Variants in DGLUCY observed in about 807,000 individuals in gnomAD.
The protein encoded by DGLUCY is D-glutamate cyclase.
DGLUCY carries 58 observed loss-of-function variants against 58.5 expected under a neutral mutation model. The observed-to-expected ratio is 0.99, with a 90% CI of 0.80 to 1.23. The LOEUF (loss-of-function observed/expected upper bound fraction) is 1.23. DGLUCY is among the 50% of genes most tolerant of loss of function. The pLI is 0.00. For synonymous variants in DGLUCY, 325 were observed against 314.1 expected (o/e 1.03, Z -0.37); for missense variants, 779 against 784.7 (o/e 0.99, Z 0.09).
At chr14:91,077,397 GAGAAAGAAA>G (rs1226827924) in intron 1 of DGLUCY, among the ~76,000 whole-genome samples, 7 of 140,096 alleles carry the variant, frequency 5.0e-5, no homozygotes, top group Middle Eastern at 3.7e-3. Flanking sequence ...GAAGGAAGGA[GAGAAAGAAA>G]AGAAAGAAAG....
chr14:91,160,183 G>T (rs1169095120), intron 2 of DGLUCY, 83 bp from the exon 3 acceptor site: 2 of 841,140 alleles, frequency 2.4e-6, no homozygotes, highest in East Asian at 4.9e-5. Flanking sequence ...ATGTGATGTG[G>T]TATGTGAAGC....
intron 8 of DGLUCY, among the ~76,000 whole-genome samples, chr14:91,184,981 C>G (rs1471136704): frequency 6.7e-6 from 1 of 149,006 alleles, no homozygotes; most frequent in Admixed American, 6.7e-5. Flanking sequence ...TTTTTTTTTT[C>G]TTTTGAGACA....
At chr14:91,119,868 C>T (rs762537102) in intron 1 of DGLUCY, among the ~76,000 whole-genome samples, 1 of 152,134 alleles carries the variant, frequency 6.6e-6, no homozygotes, top group Non-Finnish European at 1.5e-5. Flanking sequence ...CATCTTTCTC[C>T]CGTGCTGGAT....
intron 11 of DGLUCY, among the ~76,000 whole-genome samples, chr14:91,201,334 C>CTGTT (rs996636880): frequency 4.7e-5 from 7 of 150,406 alleles, no homozygotes; most frequent in African/African-American, 1.7e-4. Flanking sequence ...GAGTCTCACT[C>CTGTT]TGTTACCTGT....
At chr14:91,143,949 T>G (rs2046876884) in intron 1 of DGLUCY, among the ~76,000 whole-genome samples, 2 of 152,186 alleles carry the variant, frequency 1.3e-5, no homozygotes, top group Admixed American at 1.3e-4. Context: ...GGCCTTGTCC[T>G]TTCCATCCAG....
chr14:91,163,616 C>T (rs1005335274), intron 3 of DGLUCY, among the ~76,000 whole-genome samples: 2 of 152,148 alleles, frequency 1.3e-5, no homozygotes, highest in Admixed American at 6.5e-5. Context: ...GGACGGCGCT[C>T]CCCTCCTAGG....
At chr14:91,190,725 G>T (rs2049830592) in intron 9 of DGLUCY, among the ~76,000 whole-genome samples, 1 of 152,098 alleles carries the variant, frequency 6.6e-6, no homozygotes, top group African/African-American at 2.4e-5. Flanking sequence ...AGAGAAGTGG[G>T]ACGAGGGACA....
intron 1 of DGLUCY, among the ~76,000 whole-genome samples, chr14:91,102,786 T>TGTGTGTGTGTGTGTGTGTGTGTGTGTG (rs59480792): frequency 6.7e-6 from 1 of 149,918 alleles, no homozygotes; most frequent in African/African-American, 2.5e-5. Flanking sequence ...TGTGTGTGTG[T>TGTGTGTGTGTGTGTGTGTGTGTGTGTG]TTGAGACTGA....
upstream of DGLUCY, among the ~76,000 whole-genome samples, chr14:91,109,741 G>C (rs913079706): frequency 6.6e-6 from 1 of 152,154 alleles, no homozygotes; most frequent in African/African-American, 2.4e-5. Flanking sequence ...ACGCTCATGA[G>C]CTCATGTAAC....
chr14:91,136,015 G>T (rs2046317389), intron 1 of DGLUCY, among the ~76,000 whole-genome samples: 1 of 147,540 alleles, frequency 6.8e-6, no homozygotes, highest in Non-Finnish European at 1.5e-5. Context: ...GCTCACTGCA[G>T]GCTCCGCCTC....
intron 1 of DGLUCY, among the ~76,000 whole-genome samples, chr14:91,156,347 C>T (rs1197210799): frequency 6.6e-6 from 1 of 152,094 alleles, no homozygotes; most frequent in Non-Finnish European, 1.5e-5. Flanking sequence ...CTGCTGGGGT[C>T]CAGCGATCCT....
intron 1 of DGLUCY, among the ~76,000 whole-genome samples, chr14:91,099,583 T>C (rs2044451528): frequency 6.6e-6 from 1 of 151,888 alleles, no homozygotes; most frequent in Non-Finnish European, 1.5e-5. Flanking sequence ...TCCCTTTTTT[T>C]CTTAGAGATT....
intron 12 of DGLUCY, among the ~76,000 whole-genome samples, chr14:91,214,693 T>C (rs1304805612): frequency 6.6e-6 from 1 of 152,132 alleles, no homozygotes; most frequent in Non-Finnish European, 1.5e-5. Context: ...CAGACTCACA[T>C]AGAGGATTTA....
upstream of DGLUCY, among the ~76,000 whole-genome samples, chr14:91,103,021 C>G (rs900506469): frequency 4.4e-4 from 67 of 152,154 alleles, no homozygotes; most frequent in African/African-American, 1.5e-3. Flanking sequence ...CTCAGCCTCC[C>G]AATGTGCTGG....
At chr14:91,156,932 GA>G (rs2047651715) in intron 1 of DGLUCY, among the ~76,000 whole-genome samples, 1 of 152,238 alleles carries the variant, frequency 6.6e-6, no homozygotes, top group Non-Finnish European at 1.5e-5. Flanking sequence ...CCTTGTTGGG[GA>G]TAGTGGGAAG....
chr14:91,104,521 C>T (rs892637298), upstream of DGLUCY, among the ~76,000 whole-genome samples: 6 of 152,144 alleles, frequency 3.9e-5, no homozygotes, highest in Non-Finnish European at 8.8e-5. Flanking sequence ...GTTGAGAAAC[C>T]TGGATGTAGG....
rs61990138 is a variant in DGLUCY at position 91,167,256 on chromosome 14, C to T, written c.135C>T (p.Pro45=). ...GACCAGCCAGCCTGGTGGTCCTGCC[C>T]AGGTCCCTTGCTCCAGCTTTTGAAA... ...ELRPASLVVL[P]RSLAPAFERF... Residue 45 remains proline, a synonymous_variant, in exon 4 of 14, where the codon CCC becomes CCT. Coordinates refer to ENST00000256324, the MANE Select transcript of DGLUCY (RefSeq NM_001102368.3). 1 of 1,611,132 alleles carries T rather than the reference C, an allele frequency of 6.2e-7. No homozygotes were observed. Among genetic ancestry groups the T allele is most frequent in the South Asian group, 1.1e-5 (1 of 90,624 alleles).
intron 1 of DGLUCY, among the ~76,000 whole-genome samples, chr14:91,074,058 C>T (rs927674069): frequency 3.4e-5 from 5 of 146,756 alleles, no homozygotes; most frequent in Non-Finnish European, 7.5e-5. Flanking sequence ...GAGTTTGAGA[C>T]CAGGCTGGGC....
chr14:91,110,716 G>A (rs2044679109), upstream of DGLUCY, among the ~76,000 whole-genome samples: 1 of 152,098 alleles, frequency 6.6e-6, no homozygotes, highest in Non-Finnish European at 1.5e-5. Context: ...GATTACAGGT[G>A]TGAACCACTG....
Sources: gnomAD v4.1 joint callset for allele counts (sites outside exome capture counted in the v4.1 genomes callset) on GRCh38, gnomAD v4.1.1 for gene constraint, MANE v1.5 for transcripts, NCBI Gene and HGNC (gene_info 2026-07-23, HGNC 2026-07-21) for gene names.